Variants in ARHGAP24 observed in about 807,000 individuals in gnomAD.
ARHGAP24 encodes Rho GTPase activating protein 24, also known as rho GTPase-activating protein 24.
Under a neutral mutation model 76.4 loss-of-function variants are expected in ARHGAP24, and 50 were observed. That is an observed-to-expected ratio of 0.65 (90% CI 0.52 to 0.83). ARHGAP24 has a LOEUF of 0.83. Ranked by LOEUF, ARHGAP24 falls within the 40% of genes least tolerant of loss-of-function variation. The pLI, the probability that ARHGAP24 is intolerant of heterozygous loss-of-function variation, is 0.00. For synonymous variants in ARHGAP24, 345 were observed against 323.3 expected, an observed-to-expected ratio of 1.07 and a Z score of -0.72; for missense variants, 930 against 914.2, an observed-to-expected ratio of 1.02 and a Z score of -0.22.
At chr4:85,512,865 A>T (rs1724336080) in intron 1 of ARHGAP24, among the ~76,000 whole-genome samples, 1 of 152,226 alleles carries the variant, frequency 6.6e-6, no homozygotes, top group African/African-American at 2.4e-5. Flanking sequence ...AGTTCAAGTG[A>T]ATTCAAGGCA....
chr4:85,666,432 G>A (rs1722621271), intron 2 of ARHGAP24, among the ~76,000 whole-genome samples: 1 of 152,108 alleles, frequency 6.6e-6, no homozygotes, highest in South Asian at 2.1e-4. Context: ...CTTTGCCTTT[G>A]GTTTGAATTT....
intron 3 of ARHGAP24, among the ~76,000 whole-genome samples, chr4:85,737,625 T>C (rs1268686806): frequency 1.3e-5 from 2 of 152,202 alleles, no homozygotes; most frequent in African/African-American, 4.8e-5. Flanking sequence ...AAGGAGATGA[T>C]AATATTGCAC....
At chr4:85,827,156 AGAT>A (rs938564835) in intron 3 of ARHGAP24, among the ~76,000 whole-genome samples, 2 of 152,198 alleles carry the variant, frequency 1.3e-5, no homozygotes, top group African/African-American at 4.8e-5. Flanking sequence ...TGATTTTGAA[AGAT>A]GATAGGAATT....
intron 3 of ARHGAP24, among the ~76,000 whole-genome samples, chr4:85,834,181 G>T (rs891509478): frequency 2.6e-5 from 4 of 152,144 alleles, no homozygotes; most frequent in Non-Finnish European, 5.9e-5. Flanking sequence ...GAAGTTATCA[G>T]AGAGAATAAA....
At chr4:85,589,168 A>G (rs1173799547) in intron 2 of ARHGAP24, among the ~76,000 whole-genome samples, 1 of 152,214 alleles carries the variant, frequency 6.6e-6, no homozygotes, top group Non-Finnish European at 1.5e-5. Context: ...CTGATAACAA[A>G]CAGAATTGTG....
At chr4:85,731,616 T>C (rs892574664) in intron 3 of ARHGAP24, among the ~76,000 whole-genome samples, 1 of 152,198 alleles carries the variant, frequency 6.6e-6, no homozygotes, top group Non-Finnish European at 1.5e-5. Flanking sequence ...CTTCTCAGAC[T>C]CTACACGATT....
chr4:85,572,635 T>C (rs975569179), intron 2 of ARHGAP24, among the ~76,000 whole-genome samples: 2 of 152,088 alleles, frequency 1.3e-5, no homozygotes, highest in Non-Finnish European at 2.9e-5. Context: ...CCAAGATAAA[T>C]AGTATTTTTA....
chr4:85,954,472 C>A lies in ARHGAP24; in HGVS notation c.599+12199C>A, dbSNP rs114782351. On this transcript the variant is annotated intron_variant, in intron 5 of 9. Transcript: ENST00000395184. ...GATCCTTACCTGTCCTGATGCTACA[C>A]CCCTCTCTGAGCACAACAGCTGGCG... 2.7e-3 allele frequency among the ~76,000 whole-genome samples: 409 copies of A among 152,312 alleles called. 1 individual carries two copies. Among genetic ancestry groups the A allele is most frequent in the African/African-American group, 9.1e-3 (379 of 41,560 alleles).
intron 3 of ARHGAP24, among the ~76,000 whole-genome samples, chr4:85,921,861 G>GAACT (rs1446996242): frequency 6.6e-6 from 1 of 152,024 alleles, no homozygotes; most frequent in Non-Finnish European, 1.5e-5. Context: ...TATGATAGTT[G>GAACT]AACTAACGCC....
intron 2 of ARHGAP24, among the ~76,000 whole-genome samples, chr4:85,689,304 T>A (rs765180963): frequency 1.3e-5 from 2 of 152,200 alleles, no homozygotes; most frequent in Non-Finnish European, 2.9e-5. Flanking sequence ...ATTTTATTGA[T>A]GGCTATGTAA....
intron 1 of ARHGAP24, among the ~76,000 whole-genome samples, chr4:85,486,394 TC>T (rs988943680): frequency 2.6e-5 from 4 of 152,244 alleles, no homozygotes; most frequent in African/African-American, 9.6e-5. Flanking sequence ...AATGAATTTT[TC>T]TTCCTCAAAT....
chr4:85,720,783 A>G (rs1332318148), intron 2 of ARHGAP24, among the ~76,000 whole-genome samples: 1 of 152,054 alleles, frequency 6.6e-6, no homozygotes, highest in East Asian at 1.9e-4. Flanking sequence ...AAATTAGGGA[A>G]AAACCTAGAG....
At chr4:85,817,180 A>G (rs191448355) in intron 3 of ARHGAP24, among the ~76,000 whole-genome samples, 63 of 152,216 alleles carry the variant, frequency 4.1e-4, no homozygotes, top group African/African-American at 1.5e-3. Context: ...TCCTTATCAA[A>G]TGTTTGCAAA....
In ARHGAP24 at chr4:85,995,436, T is replaced by C. The variant is rs1265887329; in HGVS notation, c.1782T>C (p.Asp594=). The part of the protein sequence containing the change: ...FGGNFEDPVL[D]GPPQDDLSHP... The stretch of plus-strand genomic sequence containing the variant: ...GGAACTTTGAGGACCCTGTTTTGGA[T>C]GGGCCCCCGCAGGACGACCTTTCCC... The change falls in exon 9 of 10, where the codon GAT becomes GAC. Residue 594 remains aspartate, a synonymous_variant. Transcript: ENST00000395184. 2 of 1,611,044 alleles carry C rather than the reference T, an allele frequency of 1.2e-6. No individual in the cohort carries two copies. Among genetic ancestry groups the C allele is most frequent in the South Asian group, 2.2e-5 (2 of 90,940 alleles).
chr4:85,678,285 G>A (rs1427902738), intron 2 of ARHGAP24, among the ~76,000 whole-genome samples: 1 of 151,738 alleles, frequency 6.6e-6, no homozygotes, highest in Non-Finnish European at 1.5e-5. Flanking sequence ...CAGGAGGATC[G>A]TTTGAGCCCA....
intron 3 of ARHGAP24, among the ~76,000 whole-genome samples, chr4:85,823,563 C>A (rs558364714): frequency 6.6e-6 from 1 of 152,186 alleles, no homozygotes; most frequent in African/African-American, 2.4e-5. Context: ...CAGCAGCTGA[C>A]ACTGTTATCA....
chr4:85,707,625 A>G (rs756562035), intron 2 of ARHGAP24, among the ~76,000 whole-genome samples: 12 of 152,188 alleles, frequency 7.9e-5, no homozygotes, highest in Non-Finnish European at 1.8e-4. Flanking sequence ...AAATAGAAAT[A>G]GTTGAAAAGA....
intron 3 of ARHGAP24, among the ~76,000 whole-genome samples, chr4:85,873,505 A>G (rs937950247): frequency 6.6e-6 from 1 of 152,184 alleles, no homozygotes; most frequent in Non-Finnish European, 1.5e-5. Context: ...AAGGCTGAAT[A>G]AGACATGGTG....
At chr4:85,653,455 A>G (rs1722021292) in intron 2 of ARHGAP24, among the ~76,000 whole-genome samples, 1 of 149,096 alleles carries the variant, frequency 6.7e-6, no homozygotes, top group Non-Finnish European at 1.5e-5. Flanking sequence ...AAATGTGATT[A>G]TTTTAATGTA....
Sources: gnomAD v4.1 joint callset for allele counts (sites outside exome capture counted in the v4.1 genomes callset) on GRCh38, gnomAD v4.1.1 for gene constraint, MANE v1.5 for transcripts, NCBI Gene and HGNC (gene_info 2026-07-23, HGNC 2026-07-21) for gene names.